The following PLEKHG7 variants were observed in gnomAD, a reference collection of about 807,000 sequenced individuals.
PLEKHG7 encodes pleckstrin homology and RhoGEF domain containing G7.
A neutral mutation model predicts 85.2 loss-of-function variants in PLEKHG7; 77 were observed. The observed-to-expected ratio is 0.90, with a 90% CI of 0.75 to 1.09. The LOEUF (loss-of-function observed/expected upper bound fraction) is 1.09. PLEKHG7 is among the 50% of genes least tolerant of loss of function. The probability of loss-of-function intolerance (pLI) is 0.00; values close to 1 mark genes in which losing one functional copy is unlikely to be tolerated. For missense variants in PLEKHG7, 777 were observed against 804.3 expected (o/e 0.97, Z 0.41); for synonymous variants, 301 against 302.4 (o/e 1.00, Z 0.05).
intron 3 of PLEKHG7, among the ~76,000 whole-genome samples, chr12:92,727,826 G>C (rs1012385707): frequency 1.3e-5 from 2 of 151,620 alleles, no homozygotes; most frequent in African/African-American, 4.9e-5. Context: ...CCTGACCTCA[G>C]ATGATACGCT....
Position 92,735,497 on chromosome 12 carries a change from G to C in PLEKHG7, c.700-985G>C, listed in dbSNP as rs117903986. ...TGATTAACTTTCACAAAACTGTTTAGATCCATGCCAATATCGTGCACTCTG... is the reference window on the plus strand; with the variant it reads ...TGATTAACTTTCACAAAACTGTTTACATCCATGCCAATATCGTGCACTCTG... On this transcript the variant is annotated intron_variant, in intron 5 of 16. Coordinates refer to ENST00000344636, the MANE Select transcript of PLEKHG7 (RefSeq NM_001377329.1). Among the ~76,000 whole-genome samples, 286 of 152,274 alleles carry C rather than the reference G, an allele frequency of 1.9e-3. 6 individuals are homozygous for C. The East Asian group carries it at 0.043, about 23-fold the overall frequency.
rs748064398 is a variant in PLEKHG7, at chr12:92,741,475, TTC to T, written c.1036-10_1036-9del. 5 of 1,589,308 alleles carry T rather than the reference TTC, an allele frequency of 3.1e-6. No individual in the cohort carries two copies. The South Asian group carries it at 4.6e-5, about 15-fold the overall frequency. On this transcript the variant is annotated splice_polypyrimidine_tract_variant and intron_variant, in intron 8 of 16. Coordinates refer to ENST00000344636, the MANE Select transcript of PLEKHG7 (RefSeq NM_001377329.1). ...GGGTGTGTGCCTATTTTTGTTTTCT[TTC>T]TCTCTGTCCCTAGACAAGCCTTGGT...
intron 5 of PLEKHG7, among the ~76,000 whole-genome samples, chr12:92,734,513 G>T (rs575149729): frequency 5.9e-5 from 9 of 152,310 alleles, no homozygotes; most frequent in African/African-American, 2.2e-4. Flanking sequence ...ATGGGGAAAT[G>T]GATTCAGAGA....
At chr12:92,725,774 GA>G (rs34752021) in intron 3 of PLEKHG7, among the ~76,000 whole-genome samples, 1 of 152,014 alleles carries the variant, frequency 6.6e-6, no homozygotes, top group Non-Finnish European at 1.5e-5. Context: ...AAAACGATTT[GA>G]AAAAAATTTT....
At chr12:92,733,094 C>T (rs1430568029) in intron 5 of PLEKHG7, among the ~76,000 whole-genome samples, 1 of 152,178 alleles carries the variant, frequency 6.6e-6, no homozygotes, top group Non-Finnish European at 1.5e-5. Flanking sequence ...TGGACACACA[C>T]ACCTTGCTAT....
chr12:92,737,544 T>C lies in PLEKHG7; in HGVS notation c.939+23T>C, dbSNP rs768812211. On this transcript the variant is annotated intron_variant, in intron 7 of 16. Transcript: ENST00000344636. ...ATGGTAATGCCAGGCTTAATTTTTG[T>C]AGTAGATGGAAAATATTAATTTGTT... 6 of 1,602,868 alleles carry C rather than the reference T, an allele frequency of 3.7e-6. No homozygotes were observed. The South Asian group carries it at 5.7e-5, about 15-fold the overall frequency.
At chr12:92,739,926 C>G (rs189985575) in intron 7 of PLEKHG7, among the ~76,000 whole-genome samples, 2 of 152,272 alleles carry the variant, frequency 1.3e-5, no homozygotes, top group South Asian at 4.2e-4. Flanking sequence ...TCTAGACCAG[C>G]AGCATCAGAA....
chr12:92,727,951 T>C (rs1871866237), intron 3 of PLEKHG7, among the ~76,000 whole-genome samples: 1 of 132,888 alleles, frequency 7.5e-6, no homozygotes, highest in African/African-American at 2.8e-5. Context: ...TGTGTGTGTG[T>C]GTGTGTGTGT....
chr12:92,705,304 G>A (rs535910438), intron 1 of PLEKHG7, among the ~76,000 whole-genome samples: 11 of 152,220 alleles, frequency 7.2e-5, no homozygotes, highest in African/African-American at 2.7e-4. Context: ...AACAGAATGA[G>A]GTCAGGTTAT....
At position 92,749,991 on chromosome 12, in the gene PLEKHG7, TTTATTTTA is replaced by T. The variant is rs1309082355; in HGVS notation, c.1252-4088_1252-4081del. Among the ~76,000 whole-genome samples the T allele has an allele frequency of 5.6e-3, 770 of 137,410 alleles. 15 individuals are homozygous for T. Among genetic ancestry groups the T allele is most frequent in the African/African-American group, 0.017 (612 of 35,542 alleles). 90.1% of individuals were successfully genotyped at this position (137,410 alleles called of 152,430 possible). Reference sequence around the variant, plus strand: ...TTTATATTTTATTTTATTTTATTATTTTATTTTATTATTTTATTTTATTTTATTTTATT... The same window carrying T: ...TTTATATTTTATTTTATTTTATTATTTTATTTTATTTTATTTTATTTTATT... On this transcript the variant is annotated intron_variant, in intron 10 of 16. Coordinates refer to ENST00000344636, the MANE Select transcript of PLEKHG7 (RefSeq NM_001377329.1).
At chr12:92,730,154 T>G (rs1377882159) in intron 4 of PLEKHG7, among the ~76,000 whole-genome samples, 2 of 152,166 alleles carry the variant, frequency 1.3e-5, no homozygotes. Flanking sequence ...ACTAACATGT[T>G]TATAGCTCTT....
intron 15 of PLEKHG7, among the ~76,000 whole-genome samples, chr12:92,768,261 T>C (rs1299970764): frequency 1.3e-5 from 2 of 151,998 alleles, no homozygotes; most frequent in Non-Finnish European, 2.9e-5. Context: ...GACTGTGTTG[T>C]ATTAATAATT....
chr12:92,715,332 C>T (rs1871451382), intron 3 of PLEKHG7, among the ~76,000 whole-genome samples: 1 of 152,094 alleles, frequency 6.6e-6, no homozygotes, highest in Non-Finnish European at 1.5e-5. Context: ...TCTGCCTTCC[C>T]CCGCCCACTG....
chr12:92,722,184 T>A (rs550518544), intron 3 of PLEKHG7, among the ~76,000 whole-genome samples: 1 of 152,110 alleles, frequency 6.6e-6, no homozygotes, highest in Non-Finnish European at 1.5e-5. Context: ...CTATTTGAGT[T>A]AATTTCATTC....
In PLEKHG7 at chr12:92,745,486, A is replaced by G. The variant is rs2095246669; in HGVS notation, c.1146A>G (p.Arg382=). The change falls in exon 10 of 17, where the codon CGA becomes CGG. Residue 382 remains arginine (R), a synonymous_variant. Coordinates refer to ENST00000344636, the MANE Select transcript of PLEKHG7 (RefSeq NM_001377329.1). ...DFISVLTKYF[R]GSLCQSHQTY... ...CTCTTCCTTTCTTGCAGTATTTCCG[A>G]GGGAGTCTCTGTCAGAGCCACCAGA... 1 of 1,610,392 alleles carries G rather than the reference A, an allele frequency of 6.2e-7. No homozygotes were observed.
At chr12:92,707,419 G>C in intron 2 of PLEKHG7, 2 of 1,431,078 alleles carry the variant, frequency 1.4e-6, no homozygotes, top group South Asian at 1.6e-5. Context: ...GGTCTGTCAG[G>C]TACCCGAGAG....
At chr12:92,752,285 T>A (rs1872712695) in intron 10 of PLEKHG7, among the ~76,000 whole-genome samples, 1 of 151,990 alleles carries the variant, frequency 6.6e-6, no homozygotes, top group Non-Finnish European at 1.5e-5. Flanking sequence ...GTAAAATAAA[T>A]ACGTATACTC....
chr12:92,737,427 A>C lies in PLEKHG7; in HGVS notation c.845A>C (p.Asp282Ala), dbSNP rs2036553. ...VLETHHKLPTDQLDLKKQQEA... is the reference protein window; with the variant it reads ...VLETHHKLPTAQLDLKKQQEA... ...GAAACACATCACAAACTCCCGACCG[A>C]TCAATTAGACCTGAAAAAGCAGCAA... The change falls in exon 7 of 17, where the codon GAT becomes GCT. Residue 282 changes from aspartate (D) to alanine (A), a missense_variant. Transcript: ENST00000344636. The C allele has an allele frequency of 0.49, 768,553 of 1,573,152 alleles. 196,428 individuals carry two copies. Among genetic ancestry groups the C allele is most frequent in the East Asian group, 0.93 (40,604 of 43,804 alleles).
chr12:92,766,243 T>C (rs1433985842), intron 15 of PLEKHG7, among the ~76,000 whole-genome samples: 1 of 152,236 alleles, frequency 6.6e-6, no homozygotes, highest in African/African-American at 2.4e-5. Context: ...AAAAATATCA[T>C]AGTAGAGGGC....
Sources: gnomAD v4.1 joint callset for allele counts (sites outside exome capture counted in the v4.1 genomes callset) on GRCh38, gnomAD v4.1.1 for gene constraint, MANE v1.5 for transcripts, NCBI Gene and HGNC (gene_info 2026-07-23, HGNC 2026-07-21) for gene names.